Variants in CLPSL1 observed in about 807,000 individuals in gnomAD.
CLPSL1 encodes colipase-like protein 1.
CLPSL1 carries 13 observed loss-of-function variants against 9.3 expected under a neutral mutation model. That is an observed-to-expected ratio of 1.40 (90% CI 0.91 to 2.22). The LOEUF (loss-of-function observed/expected upper bound fraction) is 2.22, where lower values mean the gene tolerates loss of function less well. Ranked by LOEUF, CLPSL1 falls within the 30% of genes most tolerant of loss-of-function variation. The pLI is 0.00. For synonymous variants in CLPSL1, 58 were observed against 56.9 expected, an observed-to-expected ratio of 1.02 and a Z score of -0.08; for missense variants, 164 against 146.6, an observed-to-expected ratio of 1.12 and a Z score of -0.61.
At position 35,788,103 on chromosome 6, in the gene CLPSL1, T is replaced by C. The variant is rs1226442355; in HGVS notation, c.*93T>C. The C allele has an allele frequency of 2.0e-6, 2 of 976,338 alleles. No individual in the cohort carries two copies. Among genetic ancestry groups the C allele is most frequent in the African/African-American group, 1.6e-5 (1 of 60,882 alleles). 60.5% of individuals were successfully genotyped at this position (976,338 alleles called of 1,614,324 possible). On this transcript the variant is annotated 3_prime_UTR_variant, in exon 3 of 3. Transcript: ENST00000373861. ...ACCCTGTTCCCCAGAGCCTCCACCA[T>C]GAGTGGAGGGAAGTGGGGAGTGATT...
chr6:35,787,118 C>G lies in CLPSL1; in HGVS notation c.220C>G (p.Gln74Glu). The G allele has an allele frequency of 6.2e-7, 1 of 1,611,958 alleles. No homozygotes were observed. The highest frequency in any genetic ancestry group is 8.5e-7 in the Non-Finnish European group (1 of 1,179,564). ...KGSEGSLCQT[Q>E]VFFGQYRACP... is the part of the protein sequence containing the mutation. ...GTCCGAGGGCAGTCTGTGTCAAACG[C>G]AGGTGGGTATCGCCGCCCGGGGGGA... The change falls in exon 2 of 3, where the codon CAG becomes GAG. Residue 74 changes from glutamine (Q) to glutamate (E), a missense_variant and splice_region_variant. Transcript: ENST00000373861.
At chr6:35,781,297 T>C in intron 1 of CLPSL1, 88 bp downstream of exon 1, 2 of 1,518,494 alleles carry the variant, frequency 1.3e-6, no homozygotes, top group South Asian at 1.3e-5. Context: ...TGGGGGCTAG[T>C]GTGGGAGAAG....
chr6:35,786,959 G>C (rs778382185), intron 1 of CLPSL1, 39 bp from the exon 2 acceptor site: 2 of 1,551,708 alleles, frequency 1.3e-6, no homozygotes, highest in Non-Finnish European at 1.7e-6. Flanking sequence ...GGCGGAAGGC[G>C]GGCGGTGGAG....
At chr6:35,781,649 T>G (rs1481682310) in intron 1 of CLPSL1, among the ~76,000 whole-genome samples, 1 of 151,564 alleles carries the variant, frequency 6.6e-6, no homozygotes, top group Non-Finnish European at 1.5e-5. Flanking sequence ...AATAATAGCA[T>G]CTATCTCAGG....
chr6:35,791,391 A>C (rs1219683902), downstream of CLPSL1, among the ~76,000 whole-genome samples: 1 of 152,214 alleles, frequency 6.6e-6, no homozygotes, highest in Non-Finnish European at 1.5e-5. Context: ...CAGGCGGATC[A>C]CAAGGTCAGG....
At chr6:35,792,115 A>G (rs1028089089), downstream of CLPSL1, among the ~76,000 whole-genome samples, 2 of 152,022 alleles carry the variant, frequency 1.3e-5, no homozygotes, top group African/African-American at 4.8e-5. Flanking sequence ...ATAAATAAAT[A>G]AATAAATAAA....
In CLPSL1 at chr6:35,787,890, G is replaced by A. The variant is rs778546580; in HGVS notation, c.246G>A (p.Ala82=). The part of the protein sequence containing the change: ...QTQVFFGQYR[A]CPCLRNLTCI... ...AGGTGTTCTTTGGCCAATATAGAGC[G>A]TGTCCCTGCCTGCGGAACCTGACTT... is the stretch of plus-strand genomic sequence containing the variant. The change falls in exon 3 of 3, where the codon GCG becomes GCA. Residue 82 remains alanine (A), a synonymous_variant. Coordinates refer to ENST00000373861, the MANE Select transcript of CLPSL1 (RefSeq NM_001010886.5). 1.7e-5 allele frequency: 27 copies of A among 1,607,660 alleles called. No individual in the cohort carries two copies. Among genetic ancestry groups the A allele is most frequent in the East Asian group, 8.9e-5 (4 of 44,838 alleles).
In CLPSL1 at chr6:35,787,896, C is replaced by A; in HGVS notation, c.252C>A (p.Pro84=). The A allele has an allele frequency of 6.2e-7, 1 of 1,608,064 alleles. No individual in the cohort carries two copies. The highest frequency in any genetic ancestry group is 1.1e-5 in the South Asian group (1 of 90,952). The change falls in exon 3 of 3, where the codon CCC becomes CCA. Residue 84 remains proline (P), a synonymous_variant. Transcript: ENST00000373861. ...QVFFGQYRAC[P]CLRNLTCIYS... ...TCTTTGGCCAATATAGAGCGTGTCC[C>A]TGCCTGCGGAACCTGACTTGTATAT...
chr6:35,788,118 G>A lies in CLPSL1; in HGVS notation c.*108G>A. The A allele has an allele frequency of 1.0e-6, 1 of 1,003,522 alleles. No individual in the cohort carries two copies. The highest frequency in any genetic ancestry group is 1.6e-6 in the Non-Finnish European group (1 of 633,156). The allele number at this position is 1,003,522 out of a possible 1,614,324, so 62.2% of individuals were successfully genotyped here. On this transcript the variant is annotated 3_prime_UTR_variant, in exon 3 of 3. Coordinates refer to ENST00000373861, the MANE Select transcript of CLPSL1 (RefSeq NM_001010886.5). ...GCCTCCACCATGAGTGGAGGGAAGTGGGGAGTGATTGAAATAAAGAGCTTT... is the reference window on the plus strand; with the variant it reads ...GCCTCCACCATGAGTGGAGGGAAGTAGGGAGTGATTGAAATAAAGAGCTTT...
downstream of CLPSL1, among the ~76,000 whole-genome samples, chr6:35,788,509 C>T (rs9462112): frequency 5.9e-5 from 9 of 152,114 alleles, no homozygotes; most frequent in African/African-American, 9.6e-5. Context: ...TGTTAGGGGC[C>T]GCTCTAGCTG....
downstream of CLPSL1, among the ~76,000 whole-genome samples, chr6:35,788,781 G>A (rs576354891): frequency 2.6e-5 from 4 of 152,410 alleles, no homozygotes; most frequent in African/African-American, 7.2e-5. Flanking sequence ...GAGAGAATGA[G>A]TCAAGTGGAG....
At chr6:35,785,528 C>CG (rs1768052622) in intron 1 of CLPSL1, among the ~76,000 whole-genome samples, 1 of 152,110 alleles carries the variant, frequency 6.6e-6, no homozygotes, top group Non-Finnish European at 1.5e-5. Flanking sequence ...GTGCATTCCC[C>CG]GGGCTCACTC....
chr6:35,785,412 C>T (rs946550546), intron 1 of CLPSL1, among the ~76,000 whole-genome samples: 2 of 151,798 alleles, frequency 1.3e-5, no homozygotes, highest in Non-Finnish European at 2.9e-5. Context: ...CTCCTGACCT[C>T]GTGATCTGCC....
chr6:35,786,624 G>A (rs575007484), intron 1 of CLPSL1, among the ~76,000 whole-genome samples: 32 of 152,126 alleles, frequency 2.1e-4, no homozygotes, highest in Admixed American at 7.2e-4. Context: ...GAGGGGCGGT[G>A]GGAATGCATG....
In CLPSL1 at chr6:35,781,075, G is replaced by T; in HGVS notation, c.-36G>T. 4.3e-6 allele frequency: 7 copies of T among 1,610,902 alleles called. No homozygotes were observed. In the African/African-American group the frequency reaches 6.7e-5, roughly 15 times the overall value. On this transcript the variant is annotated 5_prime_UTR_variant, in exon 1 of 3. Coordinates refer to ENST00000373861, the MANE Select transcript of CLPSL1 (RefSeq NM_001010886.5). Reference sequence around the variant, plus strand: ...ACATGGTCGGCGTGCAGGATATTTCGCTGGACCCTAGAAAAGCCACCACGA... The same window carrying T: ...ACATGGTCGGCGTGCAGGATATTTCTCTGGACCCTAGAAAAGCCACCACGA...
At position 35,793,378 on chromosome 6, in the gene CLPSL1, T is replaced by A. The variant is rs554344811; in HGVS notation, c.82-110T>A. The A allele has an allele frequency of 1.7e-4, 74 of 447,736 alleles. 1 individual carries two copies. The highest frequency in any genetic ancestry group is 1.2e-3 in the South Asian group (72 of 62,470). The allele number at this position is 447,736 out of a possible 1,614,324, so 27.7% of individuals were successfully genotyped here. On this transcript the variant is annotated intron_variant, in intron 1 of 1. Transcript: ENST00000428710. Reference sequence around the variant, plus strand: ...AGGCAGAAGTTGCAGGGAGCCGAGATCGTGCCACTGCACTCTGGCTTGGGC... The same window carrying A: ...AGGCAGAAGTTGCAGGGAGCCGAGAACGTGCCACTGCACTCTGGCTTGGGC...
downstream of CLPSL1, among the ~76,000 whole-genome samples, chr6:35,792,693 A>G (rs765618853): frequency 7.9e-5 from 12 of 152,260 alleles, no homozygotes; most frequent in Non-Finnish European, 1.8e-4. Flanking sequence ...CTCCCTACTC[A>G]CTTTTGAAGA....
At chr6:35,785,007 C>T (rs1409533694) in intron 1 of CLPSL1, among the ~76,000 whole-genome samples, 1 of 152,068 alleles carries the variant, frequency 6.6e-6, no homozygotes, top group Non-Finnish European at 1.5e-5. Context: ...TTGCCTACCT[C>T]CAGTGTCGTG....
At position 35,787,857 on chromosome 6, in the gene CLPSL1, T is replaced by G. The variant is rs1768114271; in HGVS notation, c.223-10T>G. The G allele has an allele frequency of 6.2e-7, 1 of 1,608,538 alleles. No homozygotes were observed. The highest frequency in any genetic ancestry group is 8.5e-7 in the Non-Finnish European group (1 of 1,176,042). On this transcript the variant is annotated splice_polypyrimidine_tract_variant and intron_variant, in intron 2 of 2. Transcript: ENST00000373861. Reference sequence around the variant, plus strand: ...CGCCAAGGTCGAGGTCAAAGTCCTGTCTTTCCCAGGTGTTCTTTGGCCAAT... The same window carrying G: ...CGCCAAGGTCGAGGTCAAAGTCCTGGCTTTCCCAGGTGTTCTTTGGCCAAT...
Sources: gnomAD v4.1 joint callset for allele counts (sites outside exome capture counted in the v4.1 genomes callset) on GRCh38, gnomAD v4.1.1 for gene constraint, MANE v1.5 for transcripts, NCBI Gene and HGNC (gene_info 2026-07-23, HGNC 2026-07-21) for gene names.